TTLL6: variants seen among roughly 807,000 people sequenced by gnomAD.
TTLL6 encodes the protein tubulin polyglutamylase TTLL6.
In TTLL6, 75 loss-of-function variants were observed where a neutral mutation model predicts 96.4. The ratio of observed to expected loss-of-function variants is 0.78; its 90% CI spans 0.65 to 0.94. TTLL6 has a LOEUF of 0.94. TTLL6 is among the 40% of genes least tolerant of loss of function. The pLI is 0.00. For synonymous variants in TTLL6, 411 were observed against 419.4 expected (o/e 0.98, Z 0.24); for missense variants, 1,030 against 1,093.0 (o/e 0.94, Z 0.81).
At chr17:48,778,601 G>C (rs1567719290) in intron 13 of TTLL6, among the ~76,000 whole-genome samples, 1 of 148,602 alleles carries the variant, frequency 6.7e-6, no homozygotes, top group Non-Finnish European at 1.5e-5. Context: ...TTTGAAACCA[G>C]CCTGGGCAAC....
Position 48,771,932 on chromosome 17 carries a change from G to A in TTLL6, c.2041-1835C>T, listed in dbSNP as rs866497008. 2.4e-4 allele frequency among the ~76,000 whole-genome samples: 36 copies of A among 151,076 alleles called. 1 individual carries two copies. Among genetic ancestry groups the A allele is most frequent in the African/African-American group, 7.8e-4 (32 of 41,156 alleles). ...TCTACTAAAAATACAAAAATTAGCC[G>A]GGCATGGTGACAGGCACCTGCAATT... On this transcript the variant is annotated intron_variant, in intron 13 of 15. Coordinates refer to ENST00000393382, the MANE Select transcript of TTLL6 (RefSeq NM_001130918.3).
chr17:48,770,718 G>A (rs1401811131), intron 13 of TTLL6, among the ~76,000 whole-genome samples: 1 of 151,732 alleles, frequency 6.6e-6, no homozygotes, highest in African/African-American at 2.4e-5. Context: ...TTGCCATGTT[G>A]CCCAGGCTGG....
Position 48,770,310 on chromosome 17 carries a change from T to A in TTLL6, c.2041-213A>T, listed in dbSNP as rs759630353. ...TGCCCAGCTCCCATGCTATTCTTGA[T>A]TAAAATAAACAGATTAAGAGCTGGT... On this transcript the variant is annotated intron_variant, in intron 13 of 15. Coordinates refer to ENST00000393382, the MANE Select transcript of TTLL6 (RefSeq NM_001130918.3). 2.0e-5 allele frequency among the ~76,000 whole-genome samples: 3 copies of A among 151,914 alleles called. No homozygotes were observed. In the East Asian group the frequency reaches 5.8e-4, roughly 29 times the overall value.
chr17:48,786,423 C>A (rs1456165313), intron 11 of TTLL6, 88 bp from the exon 12 acceptor site: 1 of 1,532,018 alleles, frequency 6.5e-7, no homozygotes, highest in Non-Finnish European at 9.0e-7. Context: ...CATGACTGGG[C>A]GAAAAGTTAG....
intron 13 of TTLL6, among the ~76,000 whole-genome samples, chr17:48,782,964 C>T (rs1249768338): frequency 2.0e-5 from 3 of 151,836 alleles, no homozygotes; most frequent in Non-Finnish European, 2.9e-5. Context: ...CCACCCACCT[C>T]GGCCTCCTAA....
Position 48,769,221 on chromosome 17 carries a change from C to A in TTLL6, c.2444G>T (p.Arg815Leu), listed in dbSNP as rs768913420. 12 of 1,610,202 alleles carry A rather than the reference C, an allele frequency of 7.5e-6. No individual in the cohort carries two copies. The highest frequency in any genetic ancestry group is 1.1e-5 in the South Asian group (1 of 90,930). The change falls in exon 15 of 16, where the codon CGC (arginine) becomes CTC (leucine). Residue 815 changes from arginine to leucine, a missense_variant. Arg to Leu is a moderately radical substitution (Grantham distance 102). Transcript: ENST00000393382. ...NPSLPGECHS[R>L]SDSSGEKRQL... is the part of the protein sequence containing the mutation. Reference sequence around the variant, plus strand: ...CCTCTTCTCGCCAGAGCTGTCACTGCGGGAGTGGCACTCCCCAGGCAGGGA... The same window carrying A: ...CCTCTTCTCGCCAGAGCTGTCACTGAGGGAGTGGCACTCCCCAGGCAGGGA...
At chr17:48,774,092 A>AAAC (rs1555563605) in intron 13 of TTLL6, among the ~76,000 whole-genome samples, 8 of 79,642 alleles carry the variant, frequency 1.0e-4, no homozygotes, top group Non-Finnish European at 1.9e-4. Context: ...CAAAAAAAAC[A>AAAC]AAACAAAAAA....
chr17:48,784,602 G>C (rs2039051814), intron 13 of TTLL6, among the ~76,000 whole-genome samples: 1 of 152,120 alleles, frequency 6.6e-6, no homozygotes, highest in African/African-American at 2.4e-5. Context: ...CAACACCTTG[G>C]TTTCAGACTT....
chr17:48,767,017 C>T (rs569750253), intron 15 of TTLL6, among the ~76,000 whole-genome samples: 5 of 152,228 alleles, frequency 3.3e-5, no homozygotes, highest in African/African-American at 7.2e-5. Flanking sequence ...GGCGTGATCT[C>T]GGCTCACCAC....
intron 15 of TTLL6, among the ~76,000 whole-genome samples, chr17:48,768,453 G>A (rs1421103781): frequency 6.7e-6 from 1 of 149,394 alleles, no homozygotes; most frequent in Non-Finnish European, 1.5e-5. Context: ...TGTATTTTTA[G>A]TAGAGACGGG....
chr17:48,803,507 A>AC (rs1340388456), intron 3 of TTLL6, among the ~76,000 whole-genome samples: 1 of 151,564 alleles, frequency 6.6e-6, no homozygotes, highest in African/African-American at 2.4e-5. Context: ...AAAAAAAAAA[A>AC]CAGCAACAGC....
intron 6 of TTLL6, among the ~76,000 whole-genome samples, chr17:48,799,353 T>A (rs1199631209): frequency 6.6e-6 from 1 of 152,234 alleles, no homozygotes; most frequent in Non-Finnish European, 1.5e-5. Flanking sequence ...CTAGCCCTAA[T>A]GTGTTACAGG....
intron 13 of TTLL6, among the ~76,000 whole-genome samples, chr17:48,779,702 G>GTA (rs1313410641): frequency 2.0e-5 from 3 of 152,134 alleles, no homozygotes; most frequent in Non-Finnish European, 4.4e-5. Context: ...TAAACAAACT[G>GTA]TAGTATATCT....
At chr17:48,789,309 A>G (rs1039533336) in intron 10 of TTLL6, among the ~76,000 whole-genome samples, 24 of 152,192 alleles carry the variant, frequency 1.6e-4, no homozygotes, top group African/African-American at 5.3e-4. Context: ...CATTTTCCAA[A>G]TGGGATTATC....
intron 1 of TTLL6, 150 bp downstream of exon 1, chr17:48,816,820 G>A (rs1335972177): frequency 9.2e-6 from 5 of 541,204 alleles, no homozygotes; most frequent in African/African-American, 4.0e-5. Context: ...AGTGCCTGGC[G>A]CCATGGAACG....
Position 48,769,841 on chromosome 17 carries a change from T to C in TTLL6, c.2297A>G (p.Asp766Gly). 6.2e-7 allele frequency: 1 copy of C among 1,614,262 alleles called. No individual in the cohort carries two copies. The stretch of plus-strand genomic sequence containing the variant: ...GGATATCAAATGTGGCTTGTTCATG[T>C]CACTCTTTAGCAAAGTCCAGTTTGT... The part of the protein sequence containing the change: ...PNTNWTLLKS[D>G]MNKPHLISEL... The change falls in exon 14 of 16, where the codon GAC becomes GGC. Residue 766 changes from aspartate (D) to glycine (G), a missense_variant. Physicochemically the swap from Asp to Gly is moderately conservative, Grantham distance 94 (BLOSUM62 -1). Coordinates refer to ENST00000393382, the MANE Select transcript of TTLL6 (RefSeq NM_001130918.3).
At position 48,784,926 on chromosome 17, in the gene TTLL6, A is replaced by G; in HGVS notation, c.2037T>C (p.Thr679=). Residue 679 remains threonine (T), a synonymous_variant, in exon 13 of 16, where the codon ACT becomes ACC. Transcript: ENST00000393382. ...CAGAGCTCGGCTCACTACTTACCAC[A>G]GTGCCAGTGAATACGTTCACTGCAG... ...SASAVNVFTG[T]VHLTSVETTP... 6.2e-7 allele frequency: 1 copy of G among 1,613,220 alleles called. No individual in the cohort carries two copies. The highest frequency in any genetic ancestry group is 8.5e-7 in the Non-Finnish European group (1 of 1,179,522).
Position 48,762,250 on chromosome 17 carries a change from A to T in TTLL6, c.*724T>A, listed in dbSNP as rs889601324. The T allele has an allele frequency of 1.3e-5, 2 of 152,168 alleles. No individual in the cohort carries two copies. Among genetic ancestry groups the T allele is most frequent in the Non-Finnish European group, 2.9e-5 (2 of 68,064 alleles). The allele number at this position is 152,168 out of a possible 1,614,324, so 9.4% of individuals were successfully genotyped here. A position where few individuals can be genotyped will look rare whatever the true frequency, so the allele number is the denominator to read the frequency against. ...TCCTCCTCCTGGCAGTAAGCATGGC[A>T]ATTTCTTTTATTAATGGATGCCTGA... On this transcript the variant is annotated 3_prime_UTR_variant, in exon 16 of 16. Coordinates refer to ENST00000393382, the MANE Select transcript of TTLL6 (RefSeq NM_001130918.3).
intron 12 of TTLL6, among the ~76,000 whole-genome samples, chr17:48,785,463 CT>C (rs2039073410): frequency 6.6e-6 from 1 of 152,172 alleles, no homozygotes; most frequent in East Asian, 1.9e-4. Flanking sequence ...GATTCCATAG[CT>C]TTTATCAGAT....
Sources: allele counts gnomAD v4.1 joint callset (sites outside exome capture counted in the v4.1 genomes callset), GRCh38; gene constraint gnomAD v4.1.1; transcripts MANE v1.5; gene names NCBI Gene and HGNC (gene_info 2026-07-23, HGNC 2026-07-21).